Variants in ACSM4 observed in about 807,000 individuals in gnomAD.
ACSM4 encodes the protein acyl-coenzyme A synthetase ACSM4, mitochondrial.
Under a neutral mutation model 73.0 loss-of-function variants are expected in ACSM4, and 66 were observed. That is an observed-to-expected ratio of 0.90 (90% CI 0.74 to 1.11). The LOEUF (loss-of-function observed/expected upper bound fraction) is 1.11, where lower values mean the gene tolerates loss of function less well. Among genes scored for constraint, ACSM4 ranks in the 50% least tolerant of loss-of-function variants. The probability of loss-of-function intolerance (pLI) is 0.00; values close to 1 mark genes in which losing one functional copy is unlikely to be tolerated. For synonymous variants in ACSM4, 222 were observed against 254.0 expected (o/e 0.87, Z 1.20); for missense variants, 645 against 714.4 (o/e 0.90, Z 1.11).
At chr12:7,321,872 T>C (rs1334653188) in intron 6 of ACSM4, among the ~76,000 whole-genome samples, 1 of 152,210 alleles carries the variant, frequency 6.6e-6, no homozygotes, top group Non-Finnish European at 1.5e-5. Context: ...GTGGTGAGAA[T>C]TTAATGTAAG....
intron 11 of ACSM4, 36 bp from the exon 12 acceptor site, chr12:7,326,940 A>G (rs768617690): frequency 1.7e-4 from 267 of 1,553,326 alleles, no homozygotes; most frequent in Non-Finnish European, 2.3e-4. Flanking sequence ...TGTCTGAAAA[A>G]CAAATGAGCA....
chr12:7,327,651 T>C (rs1591848531), intron 12 of ACSM4, among the ~76,000 whole-genome samples: 1 of 152,210 alleles, frequency 6.6e-6, no homozygotes, highest in East Asian at 1.9e-4. Context: ...ACTGATCCTC[T>C]GCATGAGATT....
chr12:7,304,175 T>C lies in ACSM4; in HGVS notation c.-157T>C. On this transcript the variant is annotated 5_prime_UTR_variant, in exon 1 of 13. Transcript: ENST00000399422. ...GCAGCTCTGAGGAAGGATGAGGTGT[T>C]TTTCAGGTGTTCCCCAACTTGCCAG... 1 of 734,248 alleles carries C rather than the reference T, an allele frequency of 1.4e-6. No homozygotes were observed. Among genetic ancestry groups the C allele is most frequent in the Non-Finnish European group, 2.3e-6 (1 of 442,974 alleles). The allele number at this position is 734,248 out of a possible 1,614,324, so 45.5% of individuals were successfully genotyped here.
rs1946528571 is a variant in ACSM4, at chr12:7,328,527, T to C, written c.*154T>C. ...TTTTGGTTTTTACTTAGCTAAAAAGTTTAAAAGTAAATAAAAGCCTCAAAA... is the reference window on the plus strand; with the variant it reads ...TTTTGGTTTTTACTTAGCTAAAAAGCTTAAAAGTAAATAAAAGCCTCAAAA... On this transcript the variant is annotated 3_prime_UTR_variant, in exon 13 of 13. Coordinates refer to ENST00000399422, the MANE Select transcript of ACSM4 (RefSeq NM_001080454.2). 6 of 477,904 alleles carry C rather than the reference T, an allele frequency of 1.3e-5. No individual in the cohort carries two copies. The South Asian group carries it at 1.8e-4, about 15-fold the overall frequency. The allele number at this position is 477,904 out of a possible 1,614,324, so 29.6% of individuals were successfully genotyped here.
In ACSM4 at chr12:7,328,593, G is replaced by C. The variant is rs1946529168; in HGVS notation, c.*220G>C. 1 of 313,506 alleles carries C rather than the reference G, an allele frequency of 3.2e-6. No individual in the cohort carries two copies. The highest frequency in any genetic ancestry group is 2.2e-5 in the African/African-American group (1 of 45,122). 19.4% of individuals were successfully genotyped at this position (313,506 alleles called of 1,614,324 possible). On this transcript the variant is annotated 3_prime_UTR_variant, in exon 13 of 13. Transcript: ENST00000399422. ...TTGTTATAATGACCAAACTGACAAA[G>C]GTAATGATGATGATTTGTAGTGTTT...
chr12:7,318,395 C>G (rs1414448623), intron 5 of ACSM4: 1 of 529,802 alleles, frequency 1.9e-6, no homozygotes, highest in Non-Finnish European at 3.2e-6. Flanking sequence ...GAAATCCAGA[C>G]TTCTGCTTCA....
intron 5 of ACSM4, 23 bp downstream of exon 5, chr12:7,318,205 A>C (rs776558596): frequency 2.5e-6 from 4 of 1,610,368 alleles, no homozygotes; most frequent in Admixed American, 1.7e-5. Flanking sequence ...CTCCAGCTAG[A>C]TAGATCTTTA....
At position 7,320,759 on chromosome 12, in the gene ACSM4, G is replaced by A. The variant is rs774706403; in HGVS notation, c.956G>A (p.Ser319Asn). 3.7e-6 allele frequency: 6 copies of A among 1,613,720 alleles called. No individual in the cohort carries two copies. The highest frequency in any genetic ancestry group is 1.3e-5 in the African/African-American group (1 of 75,002). The part of the protein sequence containing the change: ...LTTYPITTLC[S>N]PPTVYRMLVQ... ...ACTTATCCCATCACGACCCTGTGCAGTCCTCCCACTGTGTACCGGATGCTC... is the reference window on the plus strand; with the variant it reads ...ACTTATCCCATCACGACCCTGTGCAATCCTCCCACTGTGTACCGGATGCTC... Residue 319 changes from serine (S) to asparagine (N), a missense_variant, in exon 6 of 13, where the codon AGT becomes AAT. By Grantham distance (46) the Ser-to-Asn change is conservative. Coordinates refer to ENST00000399422, the MANE Select transcript of ACSM4 (RefSeq NM_001080454.2).
chr12:7,316,461 C>T (rs768457317), intron 3 of ACSM4, among the ~76,000 whole-genome samples: 36 of 152,308 alleles, frequency 2.4e-4, no homozygotes, highest in Admixed American at 8.5e-4. Context: ...CCTTACATCT[C>T]GTTGTCCATA....
At chr12:7,320,072 A>G (rs1314363253) in intron 5 of ACSM4, among the ~76,000 whole-genome samples, 1 of 152,196 alleles carries the variant, frequency 6.6e-6, no homozygotes. Context: ...CCTTCTCCCA[A>G]ATACTTAAGT....
At chr12:7,315,582 A>C (rs1272606555) in intron 3 of ACSM4, among the ~76,000 whole-genome samples, 1 of 152,176 alleles carries the variant, frequency 6.6e-6, no homozygotes, top group Non-Finnish European at 1.5e-5. Flanking sequence ...ACTGCACTCC[A>C]GCCTGGGCGA....
intron 11 of ACSM4, among the ~76,000 whole-genome samples, chr12:7,324,958 A>T (rs1489123344): frequency 1.3e-5 from 2 of 152,058 alleles, no homozygotes; most frequent in South Asian, 2.1e-4. Flanking sequence ...ATTCTTTGTT[A>T]TGGCTCCAGT....
intron 3 of ACSM4, among the ~76,000 whole-genome samples, chr12:7,315,751 A>C (rs992582299): frequency 6.6e-6 from 1 of 152,200 alleles, no homozygotes; most frequent in Non-Finnish European, 1.5e-5. Flanking sequence ...TTATTTGCTC[A>C]TGAGTCCATG....
At chr12:7,310,976 GC>G (rs1207830499) in intron 3 of ACSM4, among the ~76,000 whole-genome samples, 1 of 151,942 alleles carries the variant, frequency 6.6e-6, no homozygotes, top group African/African-American at 2.4e-5. Flanking sequence ...GACCAGCCTG[GC>G]CAACGTAGTG....
chr12:7,326,629 T>C (rs1051233759), intron 11 of ACSM4, among the ~76,000 whole-genome samples: 1 of 152,216 alleles, frequency 6.6e-6, no homozygotes, highest in Non-Finnish European at 1.5e-5. Flanking sequence ...ATGCTTCTAA[T>C]GGTATAGGTT....
intron 12 of ACSM4, among the ~76,000 whole-genome samples, chr12:7,327,614 T>C (rs916220326): frequency 6.6e-6 from 1 of 152,186 alleles, no homozygotes; most frequent in Non-Finnish European, 1.5e-5. Flanking sequence ...TGTAGTTTCC[T>C]TCTAACCATG....
chr12:7,324,444 A>T, intron 10 of ACSM4, 44 bp downstream of exon 10: 1 of 1,613,920 alleles, frequency 6.2e-7, no homozygotes, highest in Non-Finnish European at 8.5e-7. Context: ...TTCGACAGGG[A>T]GGGAGATCTC....
In ACSM4 at chr12:7,324,325, G is replaced by C; in HGVS notation, c.1361G>C (p.Gly454Ala). Residue 454 changes from glycine (G) to alanine (A), a missense_variant, in exon 10 of 13, where the codon GGA becomes GCA. Coordinates refer to ENST00000399422, the MANE Select transcript of ACSM4 (RefSeq NM_001080454.2). Reference protein sequence around the residue: ...ATIRGDFYVTGDRGVMDSDGY... With the variant: ...ATIRGDFYVTADRGVMDSDGY... Reference sequence around the variant, plus strand: ...ATAAGAGGAGATTTTTATGTCACTGGAGACAGAGGAGTGATGGACAGTGAT... The same window carrying C: ...ATAAGAGGAGATTTTTATGTCACTGCAGACAGAGGAGTGATGGACAGTGAT... The C allele has an allele frequency of 6.2e-7, 1 of 1,613,930 alleles. No homozygotes were observed. Among genetic ancestry groups the C allele is most frequent in the African/African-American group, 1.3e-5 (1 of 75,030 alleles).
Position 7,306,513 on chromosome 12 carries a change from TTCCATGTG to T in ACSM4, c.202-16_202-9del. On this transcript the variant is annotated splice_polypyrimidine_tract_variant and intron_variant, in intron 1 of 12. Coordinates refer to ENST00000399422, the MANE Select transcript of ACSM4 (RefSeq NM_001080454.2). ...AGTCATGTAAACCTACCCCTCTCTT[TTCCATGTG>T]TCCCTGGTCAGACAGGGGAGAGACC... The T allele has an allele frequency of 6.4e-7, 1 of 1,565,570 alleles. No homozygotes were observed. The highest frequency in any genetic ancestry group is 1.2e-5 in the South Asian group (1 of 85,048).
Sources: gnomAD v4.1 joint callset for allele counts (sites outside exome capture counted in the v4.1 genomes callset) on GRCh38, gnomAD v4.1.1 for gene constraint, MANE v1.5 for transcripts, NCBI Gene and HGNC (gene_info 2026-07-23, HGNC 2026-07-21) for gene names.